The following EIPR1 variants were observed in gnomAD, a reference collection of about 807,000 sequenced individuals.
EIPR1 encodes EARP and GARP complex-interacting protein 1.
In EIPR1, 25 loss-of-function variants were observed where a neutral mutation model predicts 48.1. That is an observed-to-expected ratio of 0.52 (90% CI 0.38 to 0.73). EIPR1 has a LOEUF of 0.73. EIPR1 is among the 30% of genes least tolerant of loss of function. EIPR1 has a pLI of 0.00. For synonymous variants in EIPR1, 204 were observed against 201.9 expected (o/e 1.01, Z -0.09); for missense variants, 415 against 506.2 (o/e 0.82, Z 1.73).
intron 4 of EIPR1, among the ~76,000 whole-genome samples, chr2:3,252,206 T>C (rs1375579229): frequency 6.6e-6 from 1 of 152,180 alleles, no homozygotes; most frequent in Non-Finnish European, 1.5e-5. Flanking sequence ...AGTCAGCAGC[T>C]TCTGCAGAGG....
intron 3 of EIPR1, among the ~76,000 whole-genome samples, chr2:3,271,311 G>A (rs146722527): frequency 2.6e-5 from 4 of 152,058 alleles, no homozygotes; most frequent in East Asian, 1.9e-4. Flanking sequence ...CCTATAAATC[G>A]CAAATGTTCT....
intron 3 of EIPR1, among the ~76,000 whole-genome samples, chr2:3,332,183 T>G (rs1035347401): frequency 2.0e-5 from 3 of 152,210 alleles, no homozygotes; most frequent in Non-Finnish European, 4.4e-5. Flanking sequence ...GTTGGGGTTT[T>G]TTAATGTTTA....
chr2:3,254,471 GC>G (rs1288426041), intron 4 of EIPR1, among the ~76,000 whole-genome samples: 3 of 152,196 alleles, frequency 2.0e-5, no homozygotes, highest in African/African-American at 7.2e-5. Flanking sequence ...GGTGCGTCAT[GC>G]CATGGGATAT....
chr2:3,200,028 C>T (rs1313932204), intron 5 of EIPR1, among the ~76,000 whole-genome samples: 4 of 151,998 alleles, frequency 2.6e-5, no homozygotes, highest in African/African-American at 7.3e-5. Flanking sequence ...TATGTGTCCA[C>T]ATCTGGGTAC....
At chr2:3,208,593 A>G (rs1665316326) in intron 5 of EIPR1, 5 of 1,550,510 alleles carry the variant, frequency 3.2e-6, no homozygotes, top group Non-Finnish European at 4.4e-6. Context: ...CTCCAAAGTG[A>G]GCTCACTGAG....
At chr2:3,307,397 G>C (rs1668980445) in intron 3 of EIPR1, among the ~76,000 whole-genome samples, 1 of 152,216 alleles carries the variant, frequency 6.6e-6, no homozygotes, top group Admixed American at 6.5e-5. Flanking sequence ...GAGGGCATTG[G>C]GGTGGGTGCC....
At chr2:3,364,204 C>T (rs1386106236) in intron 1 of EIPR1, among the ~76,000 whole-genome samples, 1 of 152,124 alleles carries the variant, frequency 6.6e-6, no homozygotes, top group African/African-American at 2.4e-5. Flanking sequence ...GAAGAGATAC[C>T]TGCACCCGTG....
At chr2:3,345,015 C>T (rs1048656087) in intron 2 of EIPR1, among the ~76,000 whole-genome samples, 1 of 152,186 alleles carries the variant, frequency 6.6e-6, no homozygotes, top group Non-Finnish European at 1.5e-5. Flanking sequence ...GAAGCCCAAA[C>T]AGTACACTCG....
intron 3 of EIPR1, 93 bp from the exon 4 acceptor site, chr2:3,257,548 C>G: frequency 6.9e-7 from 1 of 1,449,842 alleles, no homozygotes; most frequent in African/African-American, 1.4e-5. Flanking sequence ...AATCCATAAG[C>G]AGCGCGCATC....
At chr2:3,274,548 T>A in intron 3 of EIPR1, 1 of 1,291,926 alleles carries the variant, frequency 7.7e-7, no homozygotes, top group Non-Finnish European at 1.0e-6. Context: ...CATGAGAATT[T>A]ACCTCCAAAA....
In EIPR1 at chr2:3,245,255, C is replaced by A. The variant is rs566260164; in HGVS notation, c.416+12044G>T. Among the ~76,000 whole-genome samples, 94 of 152,196 alleles carry A rather than the reference C, an allele frequency of 6.2e-4. 1 individual carries two copies. Among genetic ancestry groups the A allele is most frequent in the African/African-American group, 2.1e-3 (87 of 41,516 alleles). On this transcript the variant is annotated intron_variant, in intron 4 of 8. Transcript: ENST00000382125. ...TGAGATGGGGTCTTGCTCTGTCACCCAGGCTGGAGTGCAGTGGAGCGATCT... is the reference window on the plus strand; with the variant it reads ...TGAGATGGGGTCTTGCTCTGTCACCAAGGCTGGAGTGCAGTGGAGCGATCT...
intron 4 of EIPR1, among the ~76,000 whole-genome samples, chr2:3,248,277 A>G (rs914102348): frequency 1.3e-5 from 2 of 152,110 alleles, no homozygotes; most frequent in South Asian, 4.2e-4. Context: ...GTGAAACCCC[A>G]TCTCTACTAA....
chr2:3,280,558 C>T (rs1470480013), intron 3 of EIPR1, among the ~76,000 whole-genome samples: 4 of 152,172 alleles, frequency 2.6e-5, no homozygotes, highest in Admixed American at 2.0e-4. Flanking sequence ...CAACCCTGAC[C>T]GCGCCTGCAG....
At chr2:3,269,067 C>G (rs562355855) in intron 3 of EIPR1, among the ~76,000 whole-genome samples, 30 of 152,292 alleles carry the variant, frequency 2.0e-4, no homozygotes, top group African/African-American at 6.7e-4. Flanking sequence ...CTCTCCTATC[C>G]GGACACAGTT....
intron 4 of EIPR1, among the ~76,000 whole-genome samples, chr2:3,238,372 A>G (rs896190377): frequency 2.0e-5 from 3 of 152,096 alleles, no homozygotes; most frequent in Non-Finnish European, 4.4e-5. Flanking sequence ...GACACTCCAG[A>G]GCCGCGGGAG....
At chr2:3,224,981 T>C (rs1477195148) in intron 4 of EIPR1, among the ~76,000 whole-genome samples, 1 of 152,102 alleles carries the variant, frequency 6.6e-6, no homozygotes, top group Non-Finnish European at 1.5e-5. Context: ...GAGGCTGGAG[T>C]GAAGCACAGT....
At chr2:3,236,538 C>G (rs1403032221) in intron 4 of EIPR1, among the ~76,000 whole-genome samples, 1 of 152,164 alleles carries the variant, frequency 6.6e-6, no homozygotes, top group Non-Finnish European at 1.5e-5. Context: ...GGGCAGGACA[C>G]AACTCGGGCC....
chr2:3,245,837 C>T (rs1666777977), intron 4 of EIPR1, among the ~76,000 whole-genome samples: 1 of 152,226 alleles, frequency 6.6e-6, no homozygotes, highest in African/African-American at 2.4e-5. Flanking sequence ...AGTGGGAGGA[C>T]TGCTTGCGCC....
In EIPR1 at chr2:3,193,175, CA is replaced by C. The variant is rs1664670311; in HGVS notation, c.822-595del. 3.9e-5 allele frequency among the ~76,000 whole-genome samples: 6 copies of C among 152,244 alleles called. No individual in the cohort carries two copies. The South Asian group carries it at 1.2e-3, about 32-fold the overall frequency. ...CGCTAGGAGGTGCACCCAGCATGGCCAGGGGCACAGGGAGGCCCAGCCACTC... is the reference window on the plus strand; with the variant it reads ...CGCTAGGAGGTGCACCCAGCATGGCCGGGGCACAGGGAGGCCCAGCCACTC... On this transcript the variant is annotated intron_variant, in intron 7 of 8. Transcript: ENST00000382125.
Sources: gnomAD v4.1 joint callset for allele counts (sites outside exome capture counted in the v4.1 genomes callset) on GRCh38, gnomAD v4.1.1 for gene constraint, MANE v1.5 for transcripts, NCBI Gene and HGNC (gene_info 2026-07-23, HGNC 2026-07-21) for gene names.